Variants in GLB1L3 observed in about 807,000 individuals in gnomAD.
GLB1L3 encodes the protein galactosidase beta 1 like 3, also known as beta-galactosidase-1-like protein 3.
GLB1L3 carries 89 observed loss-of-function variants against 89.5 expected under a neutral mutation model. The observed-to-expected ratio is 0.99, with a 90% CI of 0.84 to 1.19. The LOEUF (loss-of-function observed/expected upper bound fraction) is 1.19. Among genes scored for constraint, GLB1L3 ranks in the 50% most tolerant of loss-of-function variants. GLB1L3 has a pLI of 0.00. For missense variants in GLB1L3, 812 were observed against 813.3 expected (o/e 1.00, Z 0.02); for synonymous variants, 314 against 312.3 (o/e 1.01, Z -0.06).
intron 3 of GLB1L3, 49 bp downstream of exon 3, chr11:134,277,961 T>A (rs780857756): frequency 6.3e-7 from 1 of 1,587,342 alleles, no homozygotes. Context: ...TACAAGTGCA[T>A]CCTGGCCGGG....
intron 7 of GLB1L3, 112 bp from the exon 8 acceptor site, chr11:134,292,020 G>C: frequency 1.4e-6 from 1 of 698,516 alleles, no homozygotes. Flanking sequence ...ATTTCTGACT[G>C]TGATTGCAGA....
At chr11:134,315,022 C>T (rs1321960074) in intron 18 of GLB1L3, among the ~76,000 whole-genome samples, 1 of 152,216 alleles carries the variant, frequency 6.6e-6, no homozygotes, top group Non-Finnish European at 1.5e-5. Context: ...CCCCTCCCAA[C>T]TGCTGCCTTG....
chr11:134,277,707 T>G lies in GLB1L3; in HGVS notation c.157T>G (p.Trp53Gly). 1 of 1,607,942 alleles carries G rather than the reference T, an allele frequency of 6.2e-7. No homozygotes were observed. The highest frequency in any genetic ancestry group is 8.5e-7 in the Non-Finnish European group (1 of 1,177,118). ...CTCGCCCGCCCCCTCCAGGTTTAATTGGTCTCATCTGACCCCTCTGGAGCT... is the reference window on the plus strand; with the variant it reads ...CTCGCCCGCCCCCTCCAGGTTTAATGGGTCTCATCTGACCCCTCTGGAGCT... ...RAHPSQPRFNWSHLTPLELKN... is the reference protein window; with the variant it reads ...RAHPSQPRFNGSHLTPLELKN... Residue 53 changes from tryptophan to glycine, a missense_variant, in exon 3 of 20, where the codon TGG becomes GGG. This residue lies in a region of GLB1L3 where 191 missense variants were observed against 191.4 expected (regional missense o/e 1.00). Coordinates refer to ENST00000431683, the MANE Select transcript of GLB1L3 (RefSeq NM_001080407.3).
chr11:134,298,744 C>G (rs1941785642), intron 9 of GLB1L3, among the ~76,000 whole-genome samples: 1 of 152,148 alleles, frequency 6.6e-6, no homozygotes, highest in African/African-American at 2.4e-5. Context: ...CTATGTGGAA[C>G]TGTAAGTCCA....
intron 9 of GLB1L3, chr11:134,305,059 G>A (rs1942129351): frequency 6.5e-7 from 1 of 1,542,434 alleles, no homozygotes; most frequent in East Asian, 2.4e-5. Flanking sequence ...CAATGCTGTA[G>A]GCAGGGATGA....
At chr11:134,304,967 A>T in intron 9 of GLB1L3, 1 of 593,282 alleles carries the variant, frequency 1.7e-6, no homozygotes, top group Non-Finnish European at 2.6e-6. Context: ...TCAAGGACTC[A>T]AGAGAAGTTG....
intron 8 of GLB1L3, 75 bp from the exon 9 acceptor site, chr11:134,293,070 C>T: frequency 1.6e-6 from 2 of 1,227,910 alleles, no homozygotes; most frequent in Admixed American, 1.7e-5. Context: ...TGCGTCCGGG[C>T]CGGGGGCGCA....
chr11:134,324,174 C>T (rs987348713), downstream of GLB1L3, among the ~76,000 whole-genome samples: 11 of 152,174 alleles, frequency 7.2e-5, no homozygotes, highest in African/African-American at 1.7e-4. Flanking sequence ...TTAAAGTTTT[C>T]GTTAATCTAC....
intron 13 of GLB1L3, 43 bp from the exon 14 acceptor site, chr11:134,312,306 T>C: frequency 6.2e-7 from 1 of 1,602,834 alleles, no homozygotes. Context: ...GGATCCTGAC[T>C]GCTCAGCCCT....
intron 5 of GLB1L3, among the ~76,000 whole-genome samples, chr11:134,283,120 T>A (rs935423455): frequency 1.7e-4 from 26 of 152,088 alleles, no homozygotes; most frequent in Non-Finnish European, 3.5e-4. Flanking sequence ...TGGAGTCCAG[T>A]GGCGCGATCT....
chr11:134,288,824 G>C lies in GLB1L3; in HGVS notation c.663G>C (p.Ala221=). ...ACCGCCAGGCAGGCCCTGTCATCGC[G>C]GTGCAAGTGGAGAATGAGTATGGCT... is the stretch of plus-strand genomic sequence containing the variant. ...LQYRQAGPVI[A]VQVENEYGSF... Residue 221 remains alanine (A), a synonymous_variant, in exon 7 of 20, where the codon GCG becomes GCC. Transcript: ENST00000431683. 1 of 1,613,378 alleles carries C rather than the reference G, an allele frequency of 6.2e-7. No homozygotes were observed. The highest frequency in any genetic ancestry group is 8.5e-7 in the Non-Finnish European group (1 of 1,179,632).
chr11:134,295,271 G>T (rs1224955572), intron 9 of GLB1L3, among the ~76,000 whole-genome samples: 1 of 152,126 alleles, frequency 6.6e-6, no homozygotes, highest in African/African-American at 2.4e-5. Flanking sequence ...ATTTTAACTT[G>T]CAGTTCAATT....
intron 7 of GLB1L3, 56 bp from the exon 8 acceptor site, chr11:134,292,076 C>CT (rs151242228): frequency 0.11 from 143,869 of 1,276,346 alleles, 9,354 homozygotes; most frequent in Non-Finnish European, 0.13. Flanking sequence ...GTATGTATTT[C>CT]TTTTTTCCCA....
chr11:134,312,321 C>G, intron 13 of GLB1L3, 28 bp from the exon 14 acceptor site: 1 of 1,610,758 alleles, frequency 6.2e-7, no homozygotes, highest in Non-Finnish European at 8.5e-7. Flanking sequence ...AGCCCTTGGA[C>G]TTCTGCTCTT....
intron 9 of GLB1L3, among the ~76,000 whole-genome samples, chr11:134,296,836 T>TATTATAATAATAATA (rs1555076966): frequency 7.0e-6 from 1 of 142,408 alleles, no homozygotes; most frequent in Admixed American, 7.0e-5. Context: ...AAACTTAAAG[T>TATTATAATAATAATA]ATAATAATAA....
intron 15 of GLB1L3, 141 bp from the exon 16 acceptor site, chr11:134,313,255 T>C: frequency 1.6e-6 from 1 of 644,822 alleles, no homozygotes. Flanking sequence ...AGGCAGTCCT[T>C]AGGTGAAGGG....
chr11:134,308,410 CCACCACCAT>C (rs1942436759), intron 10 of GLB1L3, among the ~76,000 whole-genome samples: 5 of 92,604 alleles, frequency 5.4e-5, no homozygotes, highest in Admixed American at 1.2e-4. Flanking sequence ...ACCATCACCA[CCACCACCAT>C]CATCACCATC....
Position 134,312,797 on chromosome 11 carries a change from G to A in GLB1L3, c.1429-19G>A, listed in dbSNP as rs770957387. The A allele has an allele frequency of 1.0e-5, 16 of 1,602,822 alleles. No individual in the cohort carries two copies. The highest frequency in any genetic ancestry group is 4.0e-5 in the African/African-American group (3 of 74,710). On this transcript the variant is annotated intron_variant, in intron 14 of 19. Transcript: ENST00000431683. ...CTTCGGGTGGGCCTAGCAGTCTGAC[G>A]CCGGCTCTTCTTTTGCAGGTGTTTT...
chr11:134,308,398 T>C (rs139891081), intron 10 of GLB1L3, among the ~76,000 whole-genome samples: 521 of 26,400 alleles, frequency 0.02, 21 homozygotes, highest in Middle Eastern at 0.038. Flanking sequence ...ATCACCACCA[T>C]CACCATCACC....
Sources: gnomAD v4.1 joint callset for allele counts (sites outside exome capture counted in the v4.1 genomes callset) on GRCh38, gnomAD v4.1.1 for gene constraint, gnomAD v4.1.1 regional missense constraint, MANE v1.5 for transcripts, NCBI Gene and HGNC (gene_info 2026-07-23, HGNC 2026-07-21) for gene names.